RAP1GAP: variants seen among roughly 807,000 people sequenced by gnomAD.
The protein encoded by RAP1GAP is rap1 GTPase-activating protein 1.
A neutral mutation model predicts 87.2 loss-of-function variants in RAP1GAP; 35 were observed. The observed-to-expected ratio is 0.40, with a 90% CI of 0.31 to 0.53. RAP1GAP has a LOEUF of 0.53. RAP1GAP is among the 20% of genes least tolerant of loss of function. The pLI is 0.48. For synonymous variants in RAP1GAP, 375 were observed against 363.9 expected (o/e 1.03, Z -0.35); for missense variants, 734 against 898.9 (o/e 0.82, Z 2.35).
At chr1:21,663,873 G>A (rs540455351) in intron 1 of RAP1GAP, among the ~76,000 whole-genome samples, 50 of 152,282 alleles carry the variant, frequency 3.3e-4, no homozygotes, top group Admixed American at 9.2e-4. Flanking sequence ...CAGATCCACC[G>A]TCTCAGGGGA....
chr1:21,613,616 C>G lies in RAP1GAP; in HGVS notation c.474+12G>C. ...AGCCAGCCCGGGAAGCTCAGCGGAG[C>G]GGAGACCTCACCTTTGCCATCTGGA... On this transcript the variant is annotated intron_variant, in intron 9 of 24. Transcript: ENST00000374765. The surrounding 1 kb of genome is among the most constrained non-coding windows in gnomAD (Gnocchi z 4.7). 1 of 1,607,092 alleles carries G rather than the reference C, an allele frequency of 6.2e-7. No homozygotes were observed. Among genetic ancestry groups the G allele is most frequent in the South Asian group, 1.1e-5 (1 of 90,926 alleles).
chr1:21,659,223 C>A (rs112094107), intron 1 of RAP1GAP, among the ~76,000 whole-genome samples: 1 of 152,268 alleles, frequency 6.6e-6, no homozygotes, highest in African/African-American at 2.4e-5. Flanking sequence ...CTTTTTAAAA[C>A]GTGTTCTCTA....
chr1:21,609,991 A>G lies in RAP1GAP; in HGVS notation c.999+129T>C. On this transcript the variant is annotated intron_variant, in intron 14 of 24. Coordinates refer to ENST00000374765, the MANE Select transcript of RAP1GAP (RefSeq NM_002885.4). The surrounding 1 kb of genome is among the most constrained non-coding windows in gnomAD (Gnocchi z 4.4). ...ACAGGGGGCGTGGTGTGAACAGTGCACCATTGAAGCCTTCCATGGTCCCCC... is the reference window on the plus strand; with the variant it reads ...ACAGGGGGCGTGGTGTGAACAGTGCGCCATTGAAGCCTTCCATGGTCCCCC... 8.5e-7 allele frequency: 1 copy of G among 1,177,492 alleles called. No homozygotes were observed. Among genetic ancestry groups the G allele is most frequent in the Middle Eastern group, 2.8e-4 (1 of 3,620 alleles). 72.9% of individuals were successfully genotyped at this position (1,177,492 alleles called of 1,614,324 possible). A position where few individuals can be genotyped will look rare whatever the true frequency, so the allele number is the denominator to read the frequency against.
At chr1:21,602,117 C>A (rs1478681571) in intron 19 of RAP1GAP, among the ~76,000 whole-genome samples, 1 of 152,214 alleles carries the variant, frequency 6.6e-6, no homozygotes, top group East Asian at 1.9e-4. Context: ...AGACCTGAAC[C>A]CAGGACTCAC....
chr1:21,630,485 G>A (rs190630514), intron 2 of RAP1GAP, among the ~76,000 whole-genome samples: 161 of 151,880 alleles, frequency 1.1e-3, no homozygotes, highest in Admixed American at 1.8e-3. Flanking sequence ...GGAACTTCCG[G>A]GCTCAAGAGA....
rs2148689067 is a variant in RAP1GAP at position 21,601,693 on chromosome 1, G to C, written c.1643C>G (p.Thr548Ser). Residue 548 changes from threonine to serine, a missense_variant, in exon 20 of 25, where the codon ACC becomes AGC. This residue lies in a region of RAP1GAP where 249 missense variants were observed against 252.7 expected (regional missense o/e 0.99). Coordinates refer to ENST00000374765, the MANE Select transcript of RAP1GAP (RefSeq NM_002885.4). Reference sequence around the variant, plus strand: ...TGCCCTGAGCCCCAACCTGTTCTTGGTCGTGGGCATCTCTGGGGAGCTCTG... The same window carrying C: ...TGCCCTGAGCCCCAACCTGTTCTTGCTCGTGGGCATCTCTGGGGAGCTCTG... ...STQSSPEMPT[T>S]KNRAETAAQR... 1.2e-6 allele frequency: 2 copies of C among 1,606,790 alleles called. No homozygotes were observed. Among genetic ancestry groups the C allele is most frequent in the South Asian group, 2.2e-5 (2 of 90,350 alleles).
In RAP1GAP at chr1:21,651,764, C is replaced by T. The variant is rs1036031097; in HGVS notation, c.-148-1968G>A. 2.1e-6 allele frequency: 3 copies of T among 1,446,106 alleles called. No homozygotes were observed. The African/African-American group carries it at 4.4e-5, about 21-fold the overall frequency. 89.6% of individuals were successfully genotyped at this position (1,446,106 alleles called of 1,614,324 possible). ...CGCGCGCACGCGCCCCGCCCCGCGC[C>T]GCGCCACGCCCTACCCGCCGTAGGC... On this transcript the variant is annotated intron_variant, in intron 1 of 24. Transcript: ENST00000374765.
chr1:21,655,968 T>C lies in RAP1GAP; in HGVS notation c.-148-6172A>G, dbSNP rs569245261. On this transcript the variant is annotated intron_variant, in intron 1 of 24. Coordinates refer to ENST00000374765, the MANE Select transcript of RAP1GAP (RefSeq NM_002885.4). ...CCAATAGCCTCCTCCCCTCCCCGAG[T>C]CATACTCATTCAGGATATCTGCCCC... 2.6e-5 allele frequency among the ~76,000 whole-genome samples: 4 copies of C among 152,266 alleles called. No individual in the cohort carries two copies. In the South Asian group the frequency reaches 8.3e-4, roughly 32 times the overall value.
At chr1:21,631,208 G>C (rs1251750603) in intron 2 of RAP1GAP, among the ~76,000 whole-genome samples, 2 of 152,128 alleles carry the variant, frequency 1.3e-5, no homozygotes, top group Non-Finnish European at 2.9e-5. Flanking sequence ...CCCTGGCCTG[G>C]CTCAGCTTAA....
chr1:21,660,197 C>T lies in RAP1GAP; in HGVS notation c.-149+9057G>A, dbSNP rs1225320577. ...GACACACAGTAGGTGCTTAATAACC[C>T]GTTGCTTGGCTGAAGCCCTGCCTTC... On this transcript the variant is annotated intron_variant, in intron 1 of 24. Coordinates refer to ENST00000374765, the MANE Select transcript of RAP1GAP (RefSeq NM_002885.4). Among the ~76,000 whole-genome samples, 21 of 150,872 alleles carry T rather than the reference C, an allele frequency of 1.4e-4. No homozygotes were observed. The Admixed American group carries it at 1.4e-3, about 10-fold the overall frequency.
chr1:21,665,705 A>G (rs2097319554), intron 1 of RAP1GAP, among the ~76,000 whole-genome samples: 1 of 152,176 alleles, frequency 6.6e-6, no homozygotes, highest in African/African-American at 2.4e-5. Flanking sequence ...GAGGCATAAA[A>G]TGTCCACAAA....
chr1:21,664,062 G>A (rs923735006), intron 1 of RAP1GAP, among the ~76,000 whole-genome samples: 7 of 152,188 alleles, frequency 4.6e-5, no homozygotes, highest in Admixed American at 3.3e-4. Context: ...GAGGCCGGGC[G>A]GCTTGCCTGA....
chr1:21,610,303 G>A, intron 13 of RAP1GAP, 28 bp from the exon 14 acceptor site: 2 of 1,613,362 alleles, frequency 1.2e-6, no homozygotes, highest in African/African-American at 1.3e-5. Flanking sequence ...GGCCTTCGTG[G>A]TCTGGCCAGA....
intron 10 of RAP1GAP, among the ~76,000 whole-genome samples, chr1:21,612,364 A>T (rs1369912037): frequency 3.9e-5 from 6 of 152,090 alleles, no homozygotes; most frequent in Non-Finnish European, 2.9e-5. Context: ...TTGGATTCCA[A>T]AGCTTAAGTT....
intron 2 of RAP1GAP, among the ~76,000 whole-genome samples, chr1:21,632,256 C>T (rs755776440): frequency 2.0e-5 from 3 of 152,234 alleles, no homozygotes; most frequent in Admixed American, 6.5e-5. Flanking sequence ...GGCCGGAAGC[C>T]GCTGCTGACA....
chr1:21,656,083 G>T (rs925363466), intron 1 of RAP1GAP, among the ~76,000 whole-genome samples: 7 of 152,170 alleles, frequency 4.6e-5, no homozygotes, highest in Admixed American at 2.6e-4. Flanking sequence ...AGTTTTCCTC[G>T]CTGGGCCTCA....
At chr1:21,656,365 C>G (rs2096857192) in intron 1 of RAP1GAP, among the ~76,000 whole-genome samples, 1 of 142,844 alleles carries the variant, frequency 7.0e-6, no homozygotes, top group African/African-American at 2.6e-5. Flanking sequence ...GTTGCAGTGA[C>G]CAAAGATCAC....
Position 21,598,077 on chromosome 1 carries a change from G to A in RAP1GAP, c.1880-13C>T. The A allele has an allele frequency of 3.7e-6, 5 of 1,354,554 alleles. No individual in the cohort carries two copies. The highest frequency in any genetic ancestry group is 5.1e-6 in the Non-Finnish European group (5 of 982,024). 83.9% of individuals were successfully genotyped at this position (1,354,554 alleles called of 1,614,324 possible). ...GATCGAGAGGGGCCTGGGGAGGGGG[G>A]CAGGAGGGAGCCACCTCACTGGCCG... On this transcript the variant is annotated splice_polypyrimidine_tract_variant and intron_variant, in intron 22 of 24. Coordinates refer to ENST00000374765, the MANE Select transcript of RAP1GAP (RefSeq NM_002885.4).
rs1223784601 is a variant in RAP1GAP at position 21,609,599 on chromosome 1, G to A, written c.1047C>T (p.Leu349=). The A allele has an allele frequency of 8.9e-6, 14 of 1,580,232 alleles. No individual in the cohort carries two copies. Among genetic ancestry groups the A allele is most frequent in the Non-Finnish European group, 1.2e-5 (14 of 1,163,512 alleles). Residue 349 remains leucine, a synonymous_variant, in exon 15 of 25, where the codon CTC becomes CTT. Transcript: ENST00000374765. The surrounding 1 kb of genome is among the most constrained non-coding windows in gnomAD (Gnocchi z 4.4). ...RDDVPFFGPP[L]PDPAVFRKGP... Reference sequence around the variant, plus strand: ...CCTTCCTGAACACAGCGGGGTCCGGGAGGGGGGGTCCAAAGAAGGGCACAT... The same window carrying A: ...CCTTCCTGAACACAGCGGGGTCCGGAAGGGGGGGTCCAAAGAAGGGCACAT...
Sources: allele counts gnomAD v4.1 joint callset (sites outside exome capture counted in the v4.1 genomes callset), GRCh38; gene constraint gnomAD v4.1.1; regional missense constraint gnomAD v4.1.1; non-coding constraint Gnocchi (gnomAD v3.1); transcripts MANE v1.5; gene names NCBI Gene and HGNC (gene_info 2026-07-23, HGNC 2026-07-21).